The following CADM1 variants were observed in gnomAD, a reference collection of about 807,000 sequenced individuals.
CADM1 encodes the protein cell adhesion molecule 1, also known as TSLC-1.
A neutral mutation model predicts 53.1 loss-of-function variants in CADM1; 15 were observed. The observed-to-expected ratio is 0.28, with a 90% CI of 0.19 to 0.44. The LOEUF is 0.44. Among genes scored for constraint, CADM1 ranks in the 20% least tolerant of loss-of-function variants. The pLI is 1.00. For synonymous variants in CADM1, 281 were observed against 243.0 expected (o/e 1.16, Z -1.45); for missense variants, 434 against 611.3 (o/e 0.71, Z 3.06).
At chr11:115,471,076 C>G (rs1450945221) in intron 1 of CADM1, among the ~76,000 whole-genome samples, 1 of 152,174 alleles carries the variant, frequency 6.6e-6, no homozygotes, top group Non-Finnish European at 1.5e-5. Flanking sequence ...GCTGCCCTAG[C>G]ACAAACATCT....
At chr11:115,301,956 A>G (rs192183527) in intron 1 of CADM1, among the ~76,000 whole-genome samples, 145 of 152,242 alleles carry the variant, frequency 9.5e-4, no homozygotes, top group Admixed American at 1.6e-3. Flanking sequence ...ACAAAATAAA[A>G]TGTTACTGTA....
intron 1 of CADM1, among the ~76,000 whole-genome samples, chr11:115,252,493 T>C (rs1296994153): frequency 6.6e-6 from 1 of 152,226 alleles, no homozygotes; most frequent in Admixed American, 6.5e-5. Context: ...AATATCTTTA[T>C]CAAACATTTA....
At chr11:115,326,047 ACACAAATTAAATACTATG>A (rs1367592423) in intron 1 of CADM1, among the ~76,000 whole-genome samples, 2 of 152,220 alleles carry the variant, frequency 1.3e-5, no homozygotes, top group Non-Finnish European at 2.9e-5. Flanking sequence ...ACACATATTT[ACACAAATTAAATACTATG>A]CACAAGTCAA....
intron 1 of CADM1, among the ~76,000 whole-genome samples, chr11:115,291,462 G>A (rs1330395069): frequency 6.6e-6 from 1 of 152,188 alleles, no homozygotes; most frequent in Non-Finnish European, 1.5e-5. Flanking sequence ...GGTCACAAGT[G>A]AAGGAAAATC....
chr11:115,284,089 T>A (rs903161831), intron 1 of CADM1, among the ~76,000 whole-genome samples: 1 of 110,954 alleles, frequency 9.0e-6, no homozygotes, highest in Non-Finnish European at 1.9e-5. Flanking sequence ...GCCCAGACAC[T>A]CTCTCTCTCT....
chr11:115,327,946 A>G (rs553327129), intron 1 of CADM1, among the ~76,000 whole-genome samples: 1 of 152,234 alleles, frequency 6.6e-6, no homozygotes, highest in East Asian at 1.9e-4. Context: ...TCTATTAAGA[A>G]CTGTCTTACA....
intron 1 of CADM1, among the ~76,000 whole-genome samples, chr11:115,307,849 C>T (rs1348057698): frequency 2.0e-5 from 3 of 151,810 alleles, no homozygotes; most frequent in Non-Finnish European, 4.4e-5. Context: ...CCTTCTATGA[C>T]AATCAATGTG....
intron 1 of CADM1, among the ~76,000 whole-genome samples, chr11:115,387,672 A>C (rs1047258234): frequency 1.3e-5 from 2 of 152,316 alleles, no homozygotes; most frequent in Admixed American, 6.5e-5. Context: ...TCACTGTGGA[A>C]GAATAATACA....
At chr11:115,312,502 C>CA (rs888339208) in intron 1 of CADM1, among the ~76,000 whole-genome samples, 9 of 152,108 alleles carry the variant, frequency 5.9e-5, no homozygotes, top group Non-Finnish European at 1.2e-4. Context: ...TATAGTAAAT[C>CA]ATACTCAGGA....
intron 1 of CADM1, among the ~76,000 whole-genome samples, chr11:115,480,161 TAA>T (rs1949227741): frequency 6.6e-6 from 1 of 152,182 alleles, no homozygotes. Context: ...AAAAGATACC[TAA>T]GTCTATTTAT....
chr11:115,392,724 G>A (rs1186349833), intron 1 of CADM1, among the ~76,000 whole-genome samples: 3 of 152,072 alleles, frequency 2.0e-5, no homozygotes, highest in Non-Finnish European at 2.9e-5. Flanking sequence ...TTCCAGCCAG[G>A]AGGAAGGAAA....
chr11:115,293,734 T>C (rs888727110), intron 1 of CADM1, among the ~76,000 whole-genome samples: 1 of 152,196 alleles, frequency 6.6e-6, no homozygotes, highest in Non-Finnish European at 1.5e-5. Flanking sequence ...TTAGTTGTGT[T>C]ATTATGCTGC....
chr11:115,406,492 T>C (rs1156422601), intron 1 of CADM1, among the ~76,000 whole-genome samples: 2 of 148,636 alleles, frequency 1.3e-5, no homozygotes, highest in African/African-American at 4.9e-5. Context: ...GCATCTGCAT[T>C]ACAAAATATT....
Position 115,345,144 on chromosome 11 carries a change from T to G in CADM1, c.125-104724A>C, listed in dbSNP as rs1391989301. Among the ~76,000 whole-genome samples the G allele has an allele frequency of 1.2e-4, 19 of 152,138 alleles. No homozygotes were observed. In the East Asian group the frequency reaches 3.7e-3, roughly 29 times the overall value. On this transcript the variant is annotated intron_variant, in intron 1 of 11. Coordinates refer to ENST00000331581, the MANE Select transcript of CADM1 (RefSeq NM_001301043.2). ...TTTGTCCCACAGCAGGGGCTGAGGC[T>G]CTTCTGCACGACCACAAAAGACTGC...
intron 1 of CADM1, among the ~76,000 whole-genome samples, chr11:115,276,458 T>A (rs980407963): frequency 1.3e-5 from 2 of 152,128 alleles, no homozygotes; most frequent in African/African-American, 4.8e-5. Flanking sequence ...ATTAGATGAA[T>A]GAAACAGAGC....
intron 1 of CADM1, among the ~76,000 whole-genome samples, chr11:115,400,944 T>TA (rs1456507976): frequency 6.6e-6 from 1 of 151,538 alleles, no homozygotes; most frequent in East Asian, 1.9e-4. Flanking sequence ...GGCAGTTTCT[T>TA]AAAAAAATAA....
At chr11:115,387,949 A>T (rs1483764108) in intron 1 of CADM1, among the ~76,000 whole-genome samples, 1 of 152,094 alleles carries the variant, frequency 6.6e-6, no homozygotes, top group Non-Finnish European at 1.5e-5. Context: ...ACAAAAACAG[A>T]AGTCATCAGA....
At chr11:115,325,101 C>T (rs891596009) in intron 1 of CADM1, among the ~76,000 whole-genome samples, 2 of 152,180 alleles carry the variant, frequency 1.3e-5, no homozygotes, top group African/African-American at 4.8e-5. Context: ...ATTTTAAAGC[C>T]ATTAGCATCC....
chr11:115,413,067 C>T (rs1947497425), intron 1 of CADM1, among the ~76,000 whole-genome samples: 2 of 152,196 alleles, frequency 1.3e-5, no homozygotes, highest in Admixed American at 1.3e-4. Context: ...TTTCAGGTTT[C>T]TTCGTAAAAA....
Sources: gnomAD v4.1 joint callset for allele counts (sites outside exome capture counted in the v4.1 genomes callset) on GRCh38, gnomAD v4.1.1 for gene constraint, MANE v1.5 for transcripts, NCBI Gene and HGNC (gene_info 2026-07-23, HGNC 2026-07-21) for gene names.